Variants in CNTN5 observed in about 807,000 individuals in gnomAD.
CNTN5 encodes the protein contactin 5.
A neutral mutation model predicts 129.1 loss-of-function variants in CNTN5; 77 were observed. The observed-to-expected ratio is 0.60, with a 90% CI of 0.50 to 0.72. CNTN5 has a LOEUF of 0.72. Ranked by LOEUF, CNTN5 falls within the 30% of genes least tolerant of loss-of-function variation. The pLI is 0.00. For missense variants in CNTN5, 1,478 were observed against 1,328.8 expected (o/e 1.11, Z -1.75); for synonymous variants, 509 against 465.6 (o/e 1.09, Z -1.20).
At chr11:99,970,684 CG>C (rs1951225947) in intron 8 of CNTN5, among the ~76,000 whole-genome samples, 1 of 151,986 alleles carries the variant, frequency 6.6e-6, no homozygotes, top group Admixed American at 6.6e-5. Context: ...GGGGGAGGTG[CG>C]GGGGTATTGC....
chr11:99,090,849 C>A (rs1209389367), intron 1 of CNTN5, among the ~76,000 whole-genome samples: 1 of 151,438 alleles, frequency 6.6e-6, no homozygotes, highest in East Asian at 1.9e-4. Flanking sequence ...GGTGAAACCC[C>A]GTCTCTACTA....
chr11:99,244,441 G>A (rs1257393767), intron 1 of CNTN5, among the ~76,000 whole-genome samples: 6 of 151,992 alleles, frequency 3.9e-5, no homozygotes, highest in Admixed American at 3.9e-4. Flanking sequence ...GTAGAAAATT[G>A]GTTTGGAATA....
At chr11:99,463,481 A>C (rs1472003226) in intron 2 of CNTN5, among the ~76,000 whole-genome samples, 1 of 151,756 alleles carries the variant, frequency 6.6e-6, no homozygotes, top group East Asian at 1.9e-4. Flanking sequence ...TGAATGAAAA[A>C]TCCAACTTTC....
In CNTN5 at chr11:99,056,194, T is replaced by C. The variant is rs182542266; in HGVS notation, c.-210+34924T>C. Among the ~76,000 whole-genome samples, 22 of 152,128 alleles carry C rather than the reference T, an allele frequency of 1.4e-4. 1 individual carries two copies. The highest frequency in any genetic ancestry group is 1.4e-3 in the Admixed American group (22 of 15,222). On this transcript the variant is annotated intron_variant, in intron 1 of 24. Coordinates refer to ENST00000524871, the MANE Select transcript of CNTN5 (RefSeq NM_014361.4). ...TTATTCACTGGTAAGCCATGTAGTA[T>C]ATATATAAAATGAAGTGTCTCACCA... is the stretch of plus-strand genomic sequence containing the variant.
chr11:99,524,586 C>T (rs998940328), intron 2 of CNTN5, among the ~76,000 whole-genome samples: 1 of 151,906 alleles, frequency 6.6e-6, no homozygotes, highest in African/African-American at 2.4e-5. Context: ...CTGAGGCAGG[C>T]AGATTACTTG....
chr11:99,792,049 G>A (rs1263921711), intron 3 of CNTN5, among the ~76,000 whole-genome samples: 3 of 152,140 alleles, frequency 2.0e-5, no homozygotes, highest in African/African-American at 7.2e-5. Context: ...AGTGAAGATA[G>A]CTAGTTTTGA....
intron 7 of CNTN5, among the ~76,000 whole-genome samples, chr11:99,930,401 T>C (rs1950163961): frequency 6.6e-6 from 1 of 152,292 alleles, no homozygotes; most frequent in Non-Finnish European, 1.5e-5. Context: ...AGGATCTTAC[T>C]GGGAGTTTGT....
chr11:99,922,265 T>C (rs1322891701), intron 7 of CNTN5, among the ~76,000 whole-genome samples: 2 of 152,052 alleles, frequency 1.3e-5, no homozygotes, highest in Non-Finnish European at 2.9e-5. Context: ...GAGAACACAA[T>C]GGGAAAAATT....
At chr11:99,828,728 A>G (rs138721175) in intron 4 of CNTN5, among the ~76,000 whole-genome samples, 1 of 152,290 alleles carries the variant, frequency 6.6e-6, no homozygotes, top group East Asian at 1.9e-4. Context: ...CCTTTCATAT[A>G]TTATTTTACT....
At chr11:99,101,691 C>T (rs1333777178) in intron 1 of CNTN5, among the ~76,000 whole-genome samples, 1 of 152,204 alleles carries the variant, frequency 6.6e-6, no homozygotes, top group Non-Finnish European at 1.5e-5. Context: ...AAGAGATGGG[C>T]TCCCATGACC....
chr11:100,037,472 G>A (rs1006331183), intron 9 of CNTN5, among the ~76,000 whole-genome samples: 1 of 152,040 alleles, frequency 6.6e-6, no homozygotes, highest in Non-Finnish European at 1.5e-5. Flanking sequence ...TCAGGATGAT[G>A]CTGGCCTCAT....
chr11:99,106,844 G>A (rs916884909), intron 1 of CNTN5, among the ~76,000 whole-genome samples: 3 of 152,032 alleles, frequency 2.0e-5, no homozygotes, highest in African/African-American at 4.8e-5. Flanking sequence ...GCACTCCACA[G>A]ATGTCCGCTA....
chr11:100,047,881 C>G (rs1418652498), intron 9 of CNTN5, among the ~76,000 whole-genome samples: 1 of 152,026 alleles, frequency 6.6e-6, no homozygotes, highest in African/African-American at 2.4e-5. Flanking sequence ...GCTGTAATCC[C>G]AGCAATTTGG....
intron 1 of CNTN5, among the ~76,000 whole-genome samples, chr11:99,275,412 C>A (rs999292018): frequency 5.3e-5 from 8 of 151,568 alleles, no homozygotes; most frequent in African/African-American, 1.9e-4. Context: ...TCTACCTATG[C>A]AGTGCTTAGA....
intron 1 of CNTN5, among the ~76,000 whole-genome samples, chr11:99,046,442 A>C (rs1565274301): frequency 1.3e-5 from 2 of 152,182 alleles, no homozygotes; most frequent in African/African-American, 4.8e-5. Context: ...AATAGTGTAC[A>C]TTATAAATAA....
chr11:99,897,879 T>A (rs1024801584), intron 6 of CNTN5, among the ~76,000 whole-genome samples: 4 of 152,198 alleles, frequency 2.6e-5, no homozygotes, highest in Admixed American at 6.5e-5. Flanking sequence ...GATCTAATGA[T>A]CTGCTGTCTT....
chr11:100,013,040 A>C (rs577622431), intron 9 of CNTN5, among the ~76,000 whole-genome samples: 1 of 152,294 alleles, frequency 6.6e-6, no homozygotes, highest in Non-Finnish European at 1.5e-5. Context: ...TTTTGCAGCA[A>C]CATGTACATA....
At chr11:99,353,029 C>T (rs1708080006) in intron 2 of CNTN5, among the ~76,000 whole-genome samples, 1 of 152,146 alleles carries the variant, frequency 6.6e-6, no homozygotes, top group East Asian at 1.9e-4. Context: ...TTCTTCTGTG[C>T]CATCATTAGC....
At chr11:100,232,437 A>ATGATGGC (rs1340320678) in intron 16 of CNTN5, among the ~76,000 whole-genome samples, 2 of 152,192 alleles carry the variant, frequency 1.3e-5, no homozygotes, top group East Asian at 3.9e-4. Context: ...TTGGAAGTAA[A>ATGATGGC]TGATGGCCTT....
Sources: allele counts gnomAD v4.1 joint callset (sites outside exome capture counted in the v4.1 genomes callset), GRCh38; gene constraint gnomAD v4.1.1; transcripts MANE v1.5; gene names NCBI Gene and HGNC (gene_info 2026-07-23, HGNC 2026-07-21).